Variants in NUCB2 observed in about 807,000 individuals in gnomAD.
NUCB2 encodes nucleobindin-2.
NUCB2 carries 48 observed loss-of-function variants against 57.9 expected under a neutral mutation model. That is an observed-to-expected ratio of 0.83 (90% CI 0.66 to 1.05). NUCB2 has a LOEUF of 1.05. Ranked by LOEUF, NUCB2 falls within the 50% of genes least tolerant of loss-of-function variation. The pLI is 0.00. For missense variants in NUCB2, 442 were observed against 476.2 expected (o/e 0.93, Z 0.67); for synonymous variants, 139 against 152.1 (o/e 0.91, Z 0.64).
chr11:17,315,522 C>A, intron 11 of NUCB2, 47 bp downstream of exon 11: 1 of 1,117,956 alleles, frequency 8.9e-7, no homozygotes, highest in Non-Finnish European at 1.4e-6. Flanking sequence ...ACAAATTCTA[C>A]ATCAGTCTAT....
At chr11:17,290,646 A>G (rs1944762506) in intron 2 of NUCB2, among the ~76,000 whole-genome samples, 1 of 152,178 alleles carries the variant, frequency 6.6e-6, no homozygotes, top group African/African-American at 2.4e-5. Flanking sequence ...GTTTATATAT[A>G]TATACCTAAT....
chr11:17,303,681 T>C (rs1455728710), intron 5 of NUCB2, among the ~76,000 whole-genome samples: 2 of 152,000 alleles, frequency 1.3e-5, no homozygotes, highest in Non-Finnish European at 2.9e-5. Flanking sequence ...GGTCAGGAGA[T>C]TGAGACCAGC....
At chr11:17,344,558 A>G (rs1565490304) in intron 2 of NUCB2, among the ~76,000 whole-genome samples, 1 of 152,122 alleles carries the variant, frequency 6.6e-6, no homozygotes, top group Non-Finnish European at 1.5e-5. Flanking sequence ...TCCTAGCACC[A>G]TTTTCAGTCT....
chr11:17,301,833 A>G lies in NUCB2; in HGVS notation c.342A>G (p.Leu114=), dbSNP rs1325253810. ...DELKRQEVGR[L]RMLIKAKLDS... ...TGAAAAGGCAAGAAGTAGGAAGGTT[A>G]AGAATGTTAATTAAAGCTAAGTTGG... is the stretch of plus-strand genomic sequence containing the variant. The change falls in exon 5 of 14, where the codon TTA becomes TTG. Residue 114 remains leucine, a synonymous_variant. Transcript: ENST00000529010. 2.5e-6 allele frequency: 4 copies of G among 1,613,608 alleles called. No individual in the cohort carries two copies. The South Asian group carries it at 4.4e-5, about 18-fold the overall frequency.
chr11:17,304,020 A>G (rs1320868879), intron 5 of NUCB2, among the ~76,000 whole-genome samples: 1 of 152,118 alleles, frequency 6.6e-6, no homozygotes, highest in African/African-American at 2.4e-5. Context: ...ATTCTGTAAC[A>G]CGATAAGCTA....
At chr11:17,320,674 T>G (rs1949907873) in intron 11 of NUCB2, among the ~76,000 whole-genome samples, 1 of 151,982 alleles carries the variant, frequency 6.6e-6, no homozygotes, top group Non-Finnish European at 1.5e-5. Flanking sequence ...TAAAAAAGAT[T>G]TTATTGTTAT....
At chr11:17,277,553 T>C (rs1941589733) in intron 1 of NUCB2, among the ~76,000 whole-genome samples, 1 of 152,054 alleles carries the variant, frequency 6.6e-6, no homozygotes, top group Non-Finnish European at 1.5e-5. Context: ...ACGGGAACCA[T>C]TATGATTTTT....
chr11:17,331,446 G>A lies in NUCB2; in HGVS notation c.*27G>A. 3 of 1,419,422 alleles carry A rather than the reference G, an allele frequency of 2.1e-6. No homozygotes were observed. The highest frequency in any genetic ancestry group is 2.8e-6 in the Non-Finnish European group (3 of 1,074,818). The allele number at this position is 1,419,422 out of a possible 1,614,324, so 87.9% of individuals were successfully genotyped here. A position where few individuals can be genotyped will look rare whatever the true frequency, so the allele number is the denominator to read the frequency against. ...GTCTGAAGTCCACCAGAACTTGGAA[G>A]AAAGCTGTTAACTCAACATCTATTT... On this transcript the variant is annotated 3_prime_UTR_variant, in exon 14 of 14. Coordinates refer to ENST00000529010, the MANE Select transcript of NUCB2 (RefSeq NM_005013.4).
At chr11:17,303,454 G>C (rs1412111185) in intron 5 of NUCB2, among the ~76,000 whole-genome samples, 2 of 151,874 alleles carry the variant, frequency 1.3e-5, no homozygotes, top group African/African-American at 4.8e-5. Flanking sequence ...TTAAAATTTT[G>C]ATGTATCAAA....
rs1345661736 is a variant in NUCB2 at position 17,315,322 on chromosome 11, G to T, written c.913-64G>T. 9.6e-6 allele frequency: 8 copies of T among 835,342 alleles called. No individual in the cohort carries two copies. The East Asian group carries it at 2.2e-4, about 23-fold the overall frequency. 51.7% of individuals were successfully genotyped at this position (835,342 alleles called of 1,614,324 possible). On this transcript the variant is annotated intron_variant, in intron 10 of 13. Transcript: ENST00000529010. ...TAGTGGCATCTATTACAAGACAGTT[G>T]ATAGTGTCTAAATAATATGAGAAAG...
At position 17,317,974 on chromosome 11, in the gene NUCB2, CT is replaced by C. The variant is rs35264082; in HGVS notation, c.1002+2521del. On this transcript the variant is annotated intron_variant, in intron 11 of 13. Coordinates refer to ENST00000529010, the MANE Select transcript of NUCB2 (RefSeq NM_005013.4). ...GCCACTGTGCCTGGAAAGAAGTCAG[CT>C]TTTTTTTTTTTTTTTTTTTTTAATA... is the stretch of plus-strand genomic sequence containing the variant. Among the ~76,000 whole-genome samples, 409 of 109,912 alleles carry C rather than the reference CT, an allele frequency of 3.7e-3. 4 individuals carry two copies. Among genetic ancestry groups the C allele is most frequent in the South Asian group, 0.011 (37 of 3,226 alleles). 72.1% of individuals were successfully genotyped at this position (109,912 alleles called of 152,430 possible).
chr11:17,338,606 T>A (rs1951993859), intron 2 of NUCB2, among the ~76,000 whole-genome samples: 1 of 152,224 alleles, frequency 6.6e-6, no homozygotes, highest in South Asian at 2.1e-4. Flanking sequence ...ATTAAAGTGT[T>A]ACAATATTTA....
At chr11:17,321,597 C>G (rs1950026695) in intron 11 of NUCB2, among the ~76,000 whole-genome samples, 1 of 152,112 alleles carries the variant, frequency 6.6e-6, no homozygotes, top group African/African-American at 2.4e-5. Flanking sequence ...TACCAATTTC[C>G]TTTCTTTTGG....
intron 2 of NUCB2, among the ~76,000 whole-genome samples, chr11:17,340,273 T>C (rs1411949551): frequency 6.6e-6 from 1 of 152,006 alleles, no homozygotes; most frequent in Non-Finnish European, 1.5e-5. Flanking sequence ...GAGTAGATTG[T>C]GAAAATTTTC....
intron 1 of NUCB2, among the ~76,000 whole-genome samples, chr11:17,280,238 G>A (rs528147554): frequency 2.0e-5 from 3 of 152,216 alleles, no homozygotes; most frequent in East Asian, 1.9e-4. Context: ...ACTCCAATCC[G>A]TTGTTAAGAC....
chr11:17,289,052 G>T (rs1301756804), intron 2 of NUCB2, among the ~76,000 whole-genome samples: 1 of 150,178 alleles, frequency 6.7e-6, no homozygotes, highest in South Asian at 2.1e-4. Flanking sequence ...TGCCTCCCAG[G>T]TTCAGGAGAT....
At position 17,295,310 on chromosome 11, in the gene NUCB2, C is replaced by T. The variant is rs748883403; in HGVS notation, c.1-14C>T. 6.3e-7 allele frequency: 1 copy of T among 1,597,450 alleles called. No homozygotes were observed. Among genetic ancestry groups the T allele is most frequent in the South Asian group, 1.1e-5 (1 of 88,768 alleles). ...ATTATTCATGACTTTACCATAATTACTCCTTTATTTCAGATGAGGTGGAGG... is the reference window on the plus strand; with the variant it reads ...ATTATTCATGACTTTACCATAATTATTCCTTTATTTCAGATGAGGTGGAGG... On this transcript the variant is annotated splice_polypyrimidine_tract_variant and intron_variant, in intron 2 of 13. Transcript: ENST00000529010.
chr11:17,347,738 G>T (rs915081147), intron 2 of NUCB2, among the ~76,000 whole-genome samples: 5 of 152,102 alleles, frequency 3.3e-5, no homozygotes, highest in African/African-American at 9.7e-5. Context: ...CTTTGATCTG[G>T]AATAGCTCCT....
At chr11:17,342,920 T>G (rs1214958647) in intron 2 of NUCB2, among the ~76,000 whole-genome samples, 5 of 151,966 alleles carry the variant, frequency 3.3e-5, no homozygotes, top group Admixed American at 1.3e-4. Flanking sequence ...GGGTGTTAAA[T>G]TCTCCCATTA....
Sources: allele counts gnomAD v4.1 joint callset (sites outside exome capture counted in the v4.1 genomes callset), GRCh38; gene constraint gnomAD v4.1.1; transcripts MANE v1.5; gene names NCBI Gene and HGNC (gene_info 2026-07-23, HGNC 2026-07-21).